The following ACP3 variants were observed in gnomAD, a reference collection of about 807,000 sequenced individuals.
ACP3 encodes the protein prostatic acid phosphatase.
A neutral mutation model predicts 45.6 loss-of-function variants in ACP3; 38 were observed. The ratio of observed to expected loss-of-function variants is 0.83; its 90% CI spans 0.64 to 1.09. ACP3 has a LOEUF of 1.09. Among genes scored for constraint, ACP3 ranks in the 50% least tolerant of loss-of-function variants. The probability of loss-of-function intolerance (pLI) is 0.00; values close to 1 mark genes in which losing one functional copy is unlikely to be tolerated. For synonymous variants in ACP3, 162 were observed against 164.7 expected (o/e 0.98, Z 0.13); for missense variants, 466 against 463.2 (o/e 1.01, Z -0.05).
At chr3:132,339,863 C>A (rs1439291221) in intron 5 of ACP3, among the ~76,000 whole-genome samples, 2 of 152,148 alleles carry the variant, frequency 1.3e-5, no homozygotes, top group Non-Finnish European at 2.9e-5. Context: ...GGCTGAAAGT[C>A]CCAACGCTCT....
intron 1 of ACP3, among the ~76,000 whole-genome samples, chr3:132,324,338 A>T (rs930986980): frequency 3.3e-5 from 5 of 152,166 alleles, no homozygotes; most frequent in African/African-American, 1.2e-4. Context: ...TGTTTAGCAG[A>T]TTCAGTGGAG....
intron 4 of ACP3, among the ~76,000 whole-genome samples, chr3:132,336,588 G>C (rs1937494763): frequency 6.6e-6 from 1 of 152,150 alleles, no homozygotes; most frequent in Non-Finnish European, 1.5e-5. Context: ...ATAGAGGCTG[G>C]GGAAGGATGG....
exon 11 of ACP3, chr3:132,368,013 G>T: frequency 1.8e-6 from 1 of 548,454 alleles, no homozygotes; most frequent in Non-Finnish European, 3.3e-6. Context: ...GGCTACCTAG[G>T]TCTTCTCATA....
At chr3:132,322,163 C>A (rs1161033808) in intron 1 of ACP3, among the ~76,000 whole-genome samples, 1 of 152,170 alleles carries the variant, frequency 6.6e-6, no homozygotes, top group African/African-American at 2.4e-5. Flanking sequence ...AAACCCAGAC[C>A]TTTTCTGATA....
intron 8 of ACP3, 51 bp downstream of exon 8, chr3:132,350,053 CT>C (rs746420946): frequency 2.3e-6 from 3 of 1,295,094 alleles, no homozygotes; most frequent in Non-Finnish European, 3.4e-6. Context: ...TGTGTGATCT[CT>C]TGAAGCACAG....
intron 6 of ACP3, among the ~76,000 whole-genome samples, chr3:132,343,188 A>G (rs1937571006): frequency 6.6e-6 from 1 of 152,118 alleles, no homozygotes; most frequent in Admixed American, 6.5e-5. Context: ...TTTCTCACTC[A>G]CCATGCTCCA....
intron 6 of ACP3, 140 bp from the exon 7 acceptor site, chr3:132,344,787 A>C: frequency 1.1e-6 from 1 of 927,050 alleles, no homozygotes; most frequent in Non-Finnish European, 1.6e-6. Flanking sequence ...ACTTATCACA[A>C]TATGAAGTTC....
chr3:132,328,301 C>T lies in ACP3; in HGVS notation c.155C>T (p.Thr52Ile), dbSNP rs761779572. Residue 52 changes from threonine (T) to isoleucine (I), a missense_variant, in exon 2 of 10, where the codon ACC becomes ATC. By Grantham distance (89) the Thr-to-Ile change is moderately conservative. Transcript: ENST00000336375. ...CATGGAGACCGAAGTCCCATTGACA[C>T]CTTTCCCACTGACCCCATAAAGGAA... The part of the protein sequence containing the change: ...FRHGDRSPID[T>I]FPTDPIKESS... 1.4e-5 allele frequency: 22 copies of T among 1,613,866 alleles called. No homozygotes were observed. Among genetic ancestry groups the T allele is most frequent in the East Asian group, 1.1e-4 (5 of 44,874 alleles).
At chr3:132,339,258 G>T (rs1402532446) in intron 5 of ACP3, among the ~76,000 whole-genome samples, 2 of 152,120 alleles carry the variant, frequency 1.3e-5, no homozygotes, top group African/African-American at 4.8e-5. Context: ...CACTCAATGT[G>T]TTTTTTCCTA....
Position 132,357,588 on chromosome 3 carries a change from A to G in ACP3, c.*710A>G. The G allele has an allele frequency of 1.0e-6, 1 of 984,080 alleles. No homozygotes were observed. Among genetic ancestry groups the G allele is most frequent in the Non-Finnish European group, 1.2e-6 (1 of 828,660 alleles). 61.0% of individuals were successfully genotyped at this position (984,080 alleles called of 1,614,324 possible). ...CAAACTTTACAGAAAGATTTGATGTATGTAATACATATAGCAGCTCTTGAA... is the reference window on the plus strand; with the variant it reads ...CAAACTTTACAGAAAGATTTGATGTGTGTAATACATATAGCAGCTCTTGAA... On this transcript the variant is annotated 3_prime_UTR_variant, in exon 10 of 10. Transcript: ENST00000336375.
chr3:132,357,334 A>G lies in ACP3; in HGVS notation c.*456A>G, dbSNP rs889849966. On this transcript the variant is annotated 3_prime_UTR_variant, in exon 10 of 10. Transcript: ENST00000336375. ...GGAACAAGGAAGGAAAGATGTGAAT[A>G]GGCTGATGGGCAAAAAACCAATTTA... 9.1e-6 allele frequency: 9 copies of G among 985,680 alleles called. No homozygotes were observed. The African/African-American group carries it at 1.6e-4, about 17-fold the overall frequency. 61.1% of individuals were successfully genotyped at this position (985,680 alleles called of 1,614,324 possible). A position where few individuals can be genotyped will look rare whatever the true frequency, so the allele number is the denominator to read the frequency against.
rs138017217 is a variant in ACP3 at position 132,325,595 on chromosome 3, A to AACACAC, written c.121-2653_121-2648dup. Among the ~76,000 whole-genome samples the AACACAC allele has an allele frequency of 4.1e-4, 59 of 143,738 alleles. 1 individual carries two copies. Among genetic ancestry groups the AACACAC allele is most frequent in the African/African-American group, 1.2e-3 (45 of 37,738 alleles). 94.3% of individuals were successfully genotyped at this position (143,738 alleles called of 152,430 possible). A position where few individuals can be genotyped will look rare whatever the true frequency, so the allele number is the denominator to read the frequency against. On this transcript the variant is annotated intron_variant, in intron 1 of 9. Transcript: ENST00000336375. The stretch of plus-strand genomic sequence containing the variant: ...AAGGTTTTGGTTTCTTCTGATACAA[A>AACACAC]ACACACACACACACACACACACACC...
intron 2 of ACP3, among the ~76,000 whole-genome samples, chr3:132,329,714 C>A (rs1937364737): frequency 6.6e-6 from 1 of 152,116 alleles, no homozygotes; most frequent in Non-Finnish European, 1.5e-5. Context: ...TCTATTAGGG[C>A]AGTATTTCTC....
At chr3:132,339,179 G>A (rs938290844) in intron 5 of ACP3, among the ~76,000 whole-genome samples, 3 of 151,862 alleles carry the variant, frequency 2.0e-5, no homozygotes, top group Admixed American at 6.6e-5. Flanking sequence ...TTTGCTATAA[G>A]TTTTTAGAAG....
rs567526034 is a variant in ACP3 at position 132,318,082 on chromosome 3, T to C, written c.120+506T>C. On this transcript the variant is annotated intron_variant, in intron 1 of 9. Transcript: ENST00000336375. The stretch of plus-strand genomic sequence containing the variant: ...ATCTAAATTTGGAATTTTAGGATGA[T>C]TTTCTGATATATAGATTTAGTTGAC... 3.3e-5 allele frequency among the ~76,000 whole-genome samples: 5 copies of C among 152,374 alleles called. 1 individual carries two copies. In the East Asian group the frequency reaches 9.6e-4, roughly 29 times the overall value.
intron 9 of ACP3, 27 bp downstream of exon 9, chr3:132,352,850 C>T: frequency 6.8e-7 from 1 of 1,461,660 alleles, no homozygotes; most frequent in South Asian, 1.1e-5. Flanking sequence ...TTTTCAAAAT[C>T]AGTATCACTG....
In ACP3 at chr3:132,366,414, C is replaced by T. The variant is rs985377564; in HGVS notation, c.1139-1290C>T. Among the ~76,000 whole-genome samples, 17 of 152,092 alleles carry T rather than the reference C, an allele frequency of 1.1e-4. 1 individual carries two copies. The South Asian group carries it at 3.1e-3, about 28-fold the overall frequency. ...ATGGTGGTTCAAAGCAGGGTGGTGG[C>T]AGAGAAGAAAAGAAGTCAGTGTTGG... On this transcript the variant is annotated intron_variant, in intron 10 of 10. Transcript: ENST00000351273.
chr3:132,345,288 A>G (rs967202417), intron 7 of ACP3, among the ~76,000 whole-genome samples: 4 of 152,256 alleles, frequency 2.6e-5, no homozygotes, highest in African/African-American at 7.2e-5. Flanking sequence ...TACCTGGTAC[A>G]TAATACACTG....
downstream of ACP3, among the ~76,000 whole-genome samples, chr3:132,359,321 G>A (rs191323829): frequency 2.6e-4 from 39 of 152,196 alleles, no homozygotes; most frequent in African/African-American, 9.1e-4. Flanking sequence ...GACCATCCTG[G>A]CTAACACGGT....
Sources: allele counts gnomAD v4.1 joint callset (sites outside exome capture counted in the v4.1 genomes callset), GRCh38; gene constraint gnomAD v4.1.1; transcripts MANE v1.5; gene names NCBI Gene and HGNC (gene_info 2026-07-23, HGNC 2026-07-21).